ARMC9: variants seen among roughly 807,000 people sequenced by gnomAD.
ARMC9 encodes the protein lisH domain-containing protein ARMC9.
ARMC9 carries 94 observed loss-of-function variants against 107.0 expected under a neutral mutation model. The observed-to-expected ratio is 0.88, with a 90% confidence interval of 0.74 to 1.04. ARMC9 has a LOEUF of 1.04. Among genes scored for constraint, ARMC9 ranks in the 50% least tolerant of loss-of-function variants. The pLI, the probability that ARMC9 is intolerant of heterozygous loss-of-function variation, is 0.00. For synonymous variants in ARMC9, 380 were observed against 396.9 expected (o/e 0.96, Z 0.51); for missense variants, 942 against 1,030.1 (o/e 0.91, Z 1.17).
At chr2:231,299,673 T>C (rs1295825630) in intron 19 of ARMC9, among the ~76,000 whole-genome samples, 1 of 152,156 alleles carries the variant, frequency 6.6e-6, no homozygotes, top group Admixed American at 6.5e-5. Context: ...TGTTTTAAGA[T>C]GAGAGAAACC....
chr2:231,320,358 T>G (rs2042928933), intron 19 of ARMC9, among the ~76,000 whole-genome samples: 1 of 152,238 alleles, frequency 6.6e-6, no homozygotes, highest in South Asian at 2.1e-4. Context: ...CACATTCACA[T>G]GATGCCTTTT....
At chr2:231,295,027 C>T (rs1464146117) in intron 18 of ARMC9, 2 of 152,170 alleles carry the variant, frequency 1.3e-5, no homozygotes, top group Non-Finnish European at 2.9e-5. Context: ...CTACATCTTC[C>T]CTCCTGGGAA....
chr2:231,264,891 G>A (rs1389101764), intron 12 of ARMC9, among the ~76,000 whole-genome samples: 2 of 152,058 alleles, frequency 1.3e-5, no homozygotes, highest in East Asian at 2.0e-4. Context: ...TGGATCAGGA[G>A]GTTAGGAGAT....
At chr2:231,282,268 A>C in intron 17 of ARMC9, 135 bp downstream of exon 17, 1 of 861,774 alleles carries the variant, frequency 1.2e-6, no homozygotes, top group South Asian at 1.6e-5. Context: ...TGTATGTAAA[A>C]TGTATATTTG....
chr2:231,329,073 G>A (rs1238003445), intron 19 of ARMC9, among the ~76,000 whole-genome samples: 15 of 151,518 alleles, frequency 9.9e-5, no homozygotes, highest in Admixed American at 7.9e-4. Flanking sequence ...CACCCACCTC[G>A]GCCTCCCAAA....
chr2:231,222,102 G>A lies in ARMC9; in HGVS notation c.505-626G>A, dbSNP rs917402557. ...AGATATTTCTGTATAAAGAGTATAA[G>A]GAAAATTGTCCTGAGACAAAGATTG... On this transcript the variant is annotated intron_variant, in intron 5 of 24. Transcript: ENST00000611582. Among the ~76,000 whole-genome samples the A allele has an allele frequency of 3.9e-5, 6 of 152,212 alleles. No homozygotes were observed. The South Asian group carries it at 6.2e-4, about 16-fold the overall frequency.
At chr2:231,291,247 C>T in intron 17 of ARMC9, 106 bp from the exon 18 acceptor site, 1 of 853,774 alleles carries the variant, frequency 1.2e-6, no homozygotes, top group Non-Finnish European at 1.9e-6. Context: ...TATCCTCTTC[C>T]TCTCCCCAAA....
chr2:231,298,291 G>A (rs1002802059), intron 19 of ARMC9, among the ~76,000 whole-genome samples: 2 of 152,222 alleles, frequency 1.3e-5, no homozygotes, highest in African/African-American at 4.8e-5. Flanking sequence ...GCGCATCACC[G>A]GTGCCAGCCG....
rs758661317 is a variant in ARMC9, at chr2:231,222,818, T to C, written c.595T>C (p.Tyr199His). ...CAACACGCCAAAGCTTTTAACAATA[T>C]ATGTATCCTTTTGAAGCAAATAGAG... ...ASNTPKLLTI[Y>H]KENGQSNKEI... is the part of the protein sequence containing the mutation. Residue 199 changes from tyrosine to histidine, a missense_variant and splice_region_variant, in exon 6 of 25, where the codon TAT becomes CAT. By Grantham distance (83) the Tyr-to-His change is moderately conservative. Transcript: ENST00000611582. The C allele has an allele frequency of 1.6e-5, 25 of 1,566,210 alleles. 2 individuals are homozygous for C. The South Asian group carries it at 2.8e-4, about 17-fold the overall frequency.
At chr2:231,351,498 ATTAT>A (rs1469680430) in intron 21 of ARMC9, among the ~76,000 whole-genome samples, 1 of 152,140 alleles carries the variant, frequency 6.6e-6, no homozygotes, top group Admixed American at 6.5e-5. Flanking sequence ...GAAAATAAAA[ATTAT>A]TTATTCCAGC....
At chr2:231,201,586 T>C (rs1198063789) in intron 1 of ARMC9, among the ~76,000 whole-genome samples, 1 of 152,196 alleles carries the variant, frequency 6.6e-6, no homozygotes, top group Non-Finnish European at 1.5e-5. Flanking sequence ...CCCACTCCTT[T>C]CCATCTTTCA....
At chr2:231,296,506 T>A (rs1226690528) in intron 19 of ARMC9, among the ~76,000 whole-genome samples, 1 of 152,198 alleles carries the variant, frequency 6.6e-6, no homozygotes. Context: ...GCATTGCATG[T>A]CATTCGAGTT....
intron 16 of ARMC9, among the ~76,000 whole-genome samples, chr2:231,280,480 A>G (rs1016210310): frequency 1.4e-4 from 22 of 152,142 alleles, no homozygotes; most frequent in Admixed American, 1.4e-3. Flanking sequence ...AAATAAAGTA[A>G]GAAAAAGAAA....
chr2:231,238,478 T>C (rs566996321), intron 8 of ARMC9, among the ~76,000 whole-genome samples: 26 of 152,234 alleles, frequency 1.7e-4, no homozygotes, highest in Admixed American at 1.2e-3. Flanking sequence ...GCCTTCTGAG[T>C]AGCTAGGACT....
At chr2:231,222,130 A>G (rs2034205321) in intron 5 of ARMC9, among the ~76,000 whole-genome samples, 1 of 152,200 alleles carries the variant, frequency 6.6e-6, no homozygotes, top group South Asian at 2.1e-4. Flanking sequence ...AAAGATTGTT[A>G]CTTGTTATGT....
rs142620994 is a variant in ARMC9, at chr2:231,355,490, T to G, written c.1995-308T>G. On this transcript the variant is annotated intron_variant, in intron 21 of 24. Transcript: ENST00000611582. ...CCAGCAGATCCGTGCCTTACGTTGT[T>G]TGCTTGAAATGTCATGGTCCCATGT... Among the ~76,000 whole-genome samples, 353 of 152,324 alleles carry G rather than the reference T, an allele frequency of 2.3e-3. 3 individuals are homozygous for G. The highest frequency in any genetic ancestry group is 8.1e-3 in the African/African-American group (338 of 41,566).
In ARMC9 at chr2:231,344,972, C is replaced by T. The variant is rs1575150801; in HGVS notation, c.1879-3C>T. 2 of 1,613,810 alleles carry T rather than the reference C, an allele frequency of 1.2e-6. No individual in the cohort carries two copies. Among genetic ancestry groups the T allele is most frequent in the Middle Eastern group, 3.3e-4 (2 of 5,990 alleles). On this transcript the variant is annotated splice_polypyrimidine_tract_variant and splice_region_variant and intron_variant, in intron 20 of 24. Coordinates refer to ENST00000611582, the MANE Select transcript of ARMC9 (RefSeq NM_001352754.2). ...AGCCCTTTTTTCTCTTTCCTTCCAC[C>T]AGATCATGACCAACACGGGGAAGAC... is the stretch of plus-strand genomic sequence containing the variant.
chr2:231,242,440 G>A (rs1488322507), intron 9 of ARMC9, among the ~76,000 whole-genome samples: 1 of 152,126 alleles, frequency 6.6e-6, no homozygotes, highest in Admixed American at 6.5e-5. Context: ...TAGAGAATCA[G>A]CCATTTTTAA....
intron 17 of ARMC9, 24 bp downstream of exon 17, chr2:231,282,157 A>G (rs1315254005): frequency 5.0e-6 from 8 of 1,611,096 alleles, no homozygotes; most frequent in African/African-American, 1.3e-5. Context: ...CCTGAGAAAC[A>G]TGTGAGCTTC....
Sources: gnomAD v4.1 joint callset for allele counts (sites outside exome capture counted in the v4.1 genomes callset) on GRCh38, gnomAD v4.1.1 for gene constraint, MANE v1.5 for transcripts, NCBI Gene and HGNC (gene_info 2026-07-23, HGNC 2026-07-21) for gene names.